The following PAPOLA variants were observed in gnomAD, a reference collection of about 807,000 sequenced individuals.
PAPOLA encodes the protein poly(A) polymerase alpha.
In PAPOLA, 15 loss-of-function variants were observed where a neutral mutation model predicts 100.6. That is an observed-to-expected ratio of 0.15 (90% CI 0.10 to 0.23). The LOEUF (loss-of-function observed/expected upper bound fraction) is 0.23. Among genes scored for constraint, PAPOLA ranks in the 10% least tolerant of loss-of-function variants. The pLI is 1.00. For missense variants in PAPOLA, 533 were observed against 884.2 expected, an observed-to-expected ratio of 0.60 and a Z score of 5.04; for synonymous variants, 293 against 300.0, an observed-to-expected ratio of 0.98 and a Z score of 0.24.
chr14:96,533,003 C>CT, intron 9 of PAPOLA: 1 of 994,728 alleles, frequency 1.0e-6, no homozygotes, highest in South Asian at 4.6e-5. Flanking sequence ...TTTTAATTCT[C>CT]TATCTATAGG....
chr14:96,561,360 T>C (rs1901830236), intron 20 of PAPOLA, among the ~76,000 whole-genome samples: 1 of 152,192 alleles, frequency 6.6e-6, no homozygotes, highest in Admixed American at 6.5e-5. Flanking sequence ...TCCCAAATTA[T>C]CCAGATTTCT....
rs768457502 is a variant in PAPOLA at position 96,532,395 on chromosome 14, G to C, written c.672G>C (p.Leu224=). 2.5e-6 allele frequency: 4 copies of C among 1,613,386 alleles called. No homozygotes were observed. The South Asian group carries it at 3.3e-5, about 13-fold the overall frequency. ...ACATTGACAACTTCAGGTTAACTCT[G>C]AGAGCTATCAAACTATGGGCCAAAC... ...VPNIDNFRLT[L]RAIKLWAKRH... The change falls in exon 8 of 22, where the codon CTG becomes CTC. Residue 224 remains leucine, a synonymous_variant. Transcript: ENST00000216277.
intron 15 of PAPOLA, among the ~76,000 whole-genome samples, chr14:96,545,920 A>G (rs899592913): frequency 4.6e-5 from 7 of 152,102 alleles, no homozygotes; most frequent in African/African-American, 1.4e-4. Flanking sequence ...TGTTCTGTAC[A>G]TTGCATTCAA....
chr14:96,522,102 C>CTCTT (rs1389899946), intron 3 of PAPOLA, among the ~76,000 whole-genome samples: 9 of 128,362 alleles, frequency 7.0e-5, no homozygotes, highest in Non-Finnish European at 1.1e-4. Context: ...TGCATCTAGC[C>CTCTT]TCTTTCTTTC....
intron 21 of PAPOLA, 94 bp from the exon 22 acceptor site, chr14:96,564,861 G>A: frequency 1.4e-6 from 1 of 703,808 alleles, no homozygotes; most frequent in South Asian, 1.8e-5. Context: ...TTTCTTCTTA[G>A]AAGGTTTCTT....
At chr14:96,561,551 C>G (rs1436624498) in intron 20 of PAPOLA, among the ~76,000 whole-genome samples, 1 of 152,122 alleles carries the variant, frequency 6.6e-6, no homozygotes, top group Admixed American at 6.5e-5. Context: ...TTTATCCAAC[C>G]AATTTCCTAT....
chr14:96,552,385 T>C, intron 16 of PAPOLA, 95 bp from the exon 17 acceptor site: 1 of 1,147,368 alleles, frequency 8.7e-7, no homozygotes, highest in Non-Finnish European at 1.3e-6. Context: ...TCTGTGCTTT[T>C]CAGTAAAAAT....
chr14:96,563,053 G>T (rs1401787293), intron 21 of PAPOLA, among the ~76,000 whole-genome samples, 160 bp downstream of exon 21: 1 of 152,088 alleles, frequency 6.6e-6, no homozygotes, highest in Non-Finnish European at 1.5e-5. Flanking sequence ...TTTAAGGCAG[G>T]GCCCTGGATT....
intron 10 of PAPOLA, chr14:96,535,486 T>G: frequency 1.0e-6 from 1 of 985,894 alleles, no homozygotes; most frequent in Non-Finnish European, 1.2e-6. Flanking sequence ...GAACTTAAGT[T>G]TCTATCTTGT....
At chr14:96,554,259 C>T (rs779688088) in intron 17 of PAPOLA, among the ~76,000 whole-genome samples, 15 of 152,332 alleles carry the variant, frequency 9.8e-5, no homozygotes, top group Middle Eastern at 3.4e-3. Context: ...TACTAGGCAC[C>T]TTGCTAGCCA....
chr14:96,502,503 C>A lies in PAPOLA; in HGVS notation c.-90C>A, dbSNP rs779353082. 59 of 1,047,178 alleles carry A rather than the reference C, an allele frequency of 5.6e-5. No homozygotes were observed. Among genetic ancestry groups the A allele is most frequent in the East Asian group, 3.2e-4 (12 of 37,370 alleles). The allele number at this position is 1,047,178 out of a possible 1,614,324, so 64.9% of individuals were successfully genotyped here. On this transcript the variant is annotated 5_prime_UTR_variant, in exon 1 of 22. Transcript: ENST00000216277. ...GACCCAGGGCTGAGGCAGGCCCCCC[C>A]CTCCCTCCCGCCTCAGTGGATCATG...
intron 17 of PAPOLA, among the ~76,000 whole-genome samples, chr14:96,555,004 GAA>G (rs1901182720): frequency 1.3e-5 from 2 of 152,008 alleles, no homozygotes; most frequent in South Asian, 2.1e-4. Context: ...ATTGGCATGA[GAA>G]AGAGAAAATG....
intron 10 of PAPOLA, chr14:96,534,835 T>TA (rs1899380817): frequency 8.7e-7 from 1 of 1,147,628 alleles, no homozygotes; most frequent in African/African-American, 1.6e-5. Context: ...AACTACCTTG[T>TA]AAGTCAAAGT....
intron 1 of PAPOLA, among the ~76,000 whole-genome samples, chr14:96,517,602 T>C (rs981154972): frequency 6.6e-6 from 1 of 152,170 alleles, no homozygotes; most frequent in Non-Finnish European, 1.5e-5. Flanking sequence ...AACAAGACAT[T>C]ATGAATTCAG....
chr14:96,527,739 C>T (rs1676175476), intron 5 of PAPOLA, 200 bp downstream of exon 5: 1 of 608,702 alleles, frequency 1.6e-6, no homozygotes, highest in African/African-American at 1.9e-5. Context: ...GAAATTGAGG[C>T]AAACAAAATA....
At position 96,565,542 on chromosome 14, in the gene PAPOLA, T is replaced by C; in HGVS notation, c.*492T>C. On this transcript the variant is annotated 3_prime_UTR_variant, in exon 22 of 22. Coordinates refer to ENST00000216277, the MANE Select transcript of PAPOLA (RefSeq NM_032632.5). ...CAAATTGGATACTGTTGTGCAGTGG[T>C]GTACTGTTATACTTCAGAGAAAGGG... 1 of 399,970 alleles carries C rather than the reference T, an allele frequency of 2.5e-6. No homozygotes were observed. 24.8% of individuals were successfully genotyped at this position (399,970 alleles called of 1,614,324 possible).
At chr14:96,564,390 T>C (rs1207990156) in intron 21 of PAPOLA, among the ~76,000 whole-genome samples, 4 of 152,106 alleles carry the variant, frequency 2.6e-5, no homozygotes, top group African/African-American at 9.7e-5. Flanking sequence ...TAAAGATCCA[T>C]CTCTGTATTT....
chr14:96,531,968 G>C (rs1488873390), intron 7 of PAPOLA: 2 of 1,253,090 alleles, frequency 1.6e-6, no homozygotes, highest in Non-Finnish European at 2.0e-6. Flanking sequence ...TATTAGCATA[G>C]CTTGTTACTG....
At chr14:96,512,930 T>C (rs773438588) in intron 1 of PAPOLA, among the ~76,000 whole-genome samples, 1 of 152,258 alleles carries the variant, frequency 6.6e-6, no homozygotes, top group Non-Finnish European at 1.5e-5. Context: ...TTTTAGGGGA[T>C]AGCCCTGGGA....
Sources: allele counts gnomAD v4.1 joint callset (sites outside exome capture counted in the v4.1 genomes callset), GRCh38; gene constraint gnomAD v4.1.1; transcripts MANE v1.5; gene names NCBI Gene and HGNC (gene_info 2026-07-23, HGNC 2026-07-21).